The following GGCT variants were observed in gnomAD, a reference collection of about 807,000 sequenced individuals.
GGCT encodes the protein cytochrome c-releasing factor 21.
A neutral mutation model predicts 22.1 loss-of-function variants in GGCT; 20 were observed. That is an observed-to-expected ratio of 0.91 (90% CI 0.64 to 1.32). GGCT has a LOEUF of 1.32. Among genes scored for constraint, GGCT ranks in the 40% most tolerant of loss-of-function variants. The pLI is 0.00. For missense variants in GGCT, 209 were observed against 223.5 expected, an observed-to-expected ratio of 0.94 and a Z score of 0.41; for synonymous variants, 72 against 78.4, an observed-to-expected ratio of 0.92 and a Z score of 0.43.
chr7:30,496,964 G>A lies in GGCT; in HGVS notation c.*128C>T, dbSNP rs1789551393. On this transcript the variant is annotated 3_prime_UTR_variant, in exon 4 of 4. Coordinates refer to ENST00000275428, the MANE Select transcript of GGCT (RefSeq NM_024051.4). ...AGTCTAAAAACAAGGAATCACCCAA[G>A]TAAGATACTCCTTCAGAGCACTGCT... 1 of 552,934 alleles carries A rather than the reference G, an allele frequency of 1.8e-6. No homozygotes were observed. The highest frequency in any genetic ancestry group is 2.0e-5 in the African/African-American group (1 of 51,078). 34.3% of individuals were successfully genotyped at this position (552,934 alleles called of 1,614,324 possible). A position where few individuals can be genotyped will look rare whatever the true frequency, so the allele number is the denominator to read the frequency against.
At chr7:30,497,769 C>T (rs1789587909) in intron 3 of GGCT, 2 of 1,446,882 alleles carry the variant, frequency 1.4e-6, no homozygotes, top group Non-Finnish European at 9.2e-7. Flanking sequence ...CCTGATTGGG[C>T]CTGCCAACAG....
chr7:30,504,446 C>A, intron 1 of GGCT, 123 bp downstream of exon 1: 1 of 1,153,982 alleles, frequency 8.7e-7, no homozygotes. Flanking sequence ...AGGCGGAAGC[C>A]GCGTCCTAGT....
chr7:30,504,397 C>A (rs536468945), intron 1 of GGCT, among the ~76,000 whole-genome samples, 172 bp downstream of exon 1: 1 of 152,354 alleles, frequency 6.6e-6, no homozygotes, highest in East Asian at 1.9e-4. Flanking sequence ...CGGGCAGGGC[C>A]GGGCAGTGGG....
intron 3 of GGCT, chr7:30,497,791 T>G (rs540053508): frequency 1.4e-6 from 2 of 1,464,424 alleles, no homozygotes. Flanking sequence ...GAGCTAAGCT[T>G]AGGTTCTGAA....
chr7:30,499,824 C>T (rs1190837274), intron 2 of GGCT, among the ~76,000 whole-genome samples: 1 of 140,932 alleles, frequency 7.1e-6, no homozygotes, highest in East Asian at 2.1e-4. Flanking sequence ...TTTAAAGAGG[C>T]TTCAATATAG....
At chr7:30,501,369 G>A (rs868359075) in intron 1 of GGCT, among the ~76,000 whole-genome samples, 10 of 152,128 alleles carry the variant, frequency 6.6e-5, no homozygotes, top group African/African-American at 1.9e-4. Flanking sequence ...AGGCCGTGGC[G>A]GGTGGATCAT....
At chr7:30,497,652 G>A (rs1789583565) in intron 3 of GGCT, 1 of 678,868 alleles carries the variant, frequency 1.5e-6, no homozygotes, top group Non-Finnish European at 2.2e-6. Context: ...TGGCAACTGT[G>A]TTTAGCGGTA....
chr7:30,504,242 C>T (rs532880667), intron 1 of GGCT, among the ~76,000 whole-genome samples: 9 of 152,356 alleles, frequency 5.9e-5, no homozygotes, highest in Admixed American at 5.2e-4. Context: ...TTCCCAGACA[C>T]GGGTCAGAGA....
chr7:30,497,850 G>T, intron 3 of GGCT: 1 of 1,447,926 alleles, frequency 6.9e-7, no homozygotes, highest in Non-Finnish European at 9.2e-7. Context: ...TGCTTGCAAG[G>T]GTGATTTCCC....
chr7:30,497,705 TA>T (rs745392114), intron 3 of GGCT: 10 of 1,261,054 alleles, frequency 7.9e-6, no homozygotes, highest in Admixed American at 3.4e-5. Flanking sequence ...GGTTTCATAC[TA>T]AAAAATTCCA....
Position 30,497,107 on chromosome 7 carries a change from T to A in GGCT, c.552A>T (p.Glu184Asp). ...EEIEDIIKKG[E>D]TQTL ...CTGTTATGTTCTAAAGAGTTTGTGT[T>A]TCCCCCTTTTTGATGATGTCTTCAA... Residue 184 changes from glutamate (E) to aspartate (D), a missense_variant, in exon 4 of 4, where the codon GAA becomes GAT. Physicochemically the swap from Glu to Asp is conservative, Grantham distance 45. Transcript: ENST00000275428. 6.3e-7 allele frequency: 1 copy of A among 1,597,756 alleles called. No individual in the cohort carries two copies. Among genetic ancestry groups the A allele is most frequent in the Non-Finnish European group, 8.6e-7 (1 of 1,167,326 alleles).
Position 30,504,706 on chromosome 7 carries a change from C to G in GGCT, c.4G>C (p.Ala2Pro). The G allele has an allele frequency of 6.2e-7, 1 of 1,613,998 alleles. No homozygotes were observed. Among genetic ancestry groups the G allele is most frequent in the Non-Finnish European group, 8.5e-7 (1 of 1,179,860 alleles). ...GTGACGTCCTTGCAGCCCGAGTTGG[C>G]CATATCCCACTACGCCCCTGCACTG... M[A>P]NSGCKDVTGP... Residue 2 changes from alanine to proline, a missense_variant, in exon 1 of 4, where the codon GCC becomes CCC. Physicochemically the swap from Ala to Pro is conservative, Grantham distance 27. Coordinates refer to ENST00000275428, the MANE Select transcript of GGCT (RefSeq NM_024051.4).
intron 1 of GGCT, among the ~76,000 whole-genome samples, chr7:30,501,650 C>G (rs182725537): frequency 4.9e-4 from 75 of 152,180 alleles, no homozygotes; most frequent in Non-Finnish European, 7.9e-4. Context: ...AAAAACAAAA[C>G]AAATAAAATA....
chr7:30,496,817 A>G lies in GGCT; in HGVS notation c.*275T>C, dbSNP rs192979631. ...TTACCAGAGCAAGGAGACACTTAAG[A>G]TCAATTCAAGAGAATAGCTTTCAGT... On this transcript the variant is annotated 3_prime_UTR_variant, in exon 4 of 4. Transcript: ENST00000275428. The G allele has an allele frequency of 1.2e-3, 268 of 225,318 alleles. No homozygotes were observed. The highest frequency in any genetic ancestry group is 5.2e-3 in the African/African-American group (232 of 44,220). The allele number at this position is 225,318 out of a possible 1,614,324, so 14.0% of individuals were successfully genotyped here.
Position 30,498,882 on chromosome 7 carries a change from T to G in GGCT, c.344A>C (p.Gln115Pro). 2 of 1,613,386 alleles carry G rather than the reference T, an allele frequency of 1.2e-6. No individual in the cohort carries two copies. Among genetic ancestry groups the G allele is most frequent in the Non-Finnish European group, 1.7e-6 (2 of 1,179,284 alleles). ...YVVIEVKVAT[Q>P]EGKEITCRSY... is the part of the protein sequence containing the mutation. Reference sequence around the variant, plus strand: ...TCGACAGGTTATTTCTTTTCCTTCTTGAGTTGCAACTTTAACTTCTATTAC... The same window carrying G: ...TCGACAGGTTATTTCTTTTCCTTCTGGAGTTGCAACTTTAACTTCTATTAC... Residue 115 changes from glutamine (Q) to proline (P), a missense_variant, in exon 3 of 4, where the codon CAA becomes CCA. Transcript: ENST00000275428.
rs752460854 is a variant in GGCT at position 30,504,562 on chromosome 7, C to T, written c.141+7G>A. The T allele has an allele frequency of 6.2e-6, 10 of 1,613,188 alleles. No homozygotes were observed. The highest frequency in any genetic ancestry group is 1.1e-5 in the South Asian group (1 of 91,084). ...CCGGCGTGGGTAGCGCGGGAGGGGG[C>T]ACTCACCTGCAGGCGGGCCACACAG... On this transcript the variant is annotated splice_region_variant and intron_variant, in intron 1 of 3. Transcript: ENST00000275428.
At chr7:30,501,547 T>A (rs1016674404) in intron 1 of GGCT, among the ~76,000 whole-genome samples, 1 of 152,220 alleles carries the variant, frequency 6.6e-6, no homozygotes, top group African/African-American at 2.4e-5. Flanking sequence ...GTTTCTAGTT[T>A]AACTTCTTTC....
intron 1 of GGCT, 25 bp from the exon 2 acceptor site, chr7:30,500,706 G>C (rs746887289): frequency 3.7e-6 from 6 of 1,602,030 alleles, no homozygotes; most frequent in Non-Finnish European, 5.1e-6. Context: ...AAAGTGATAT[G>C]ATCAATATCC....
At chr7:30,502,850 C>T (rs961576438) in intron 1 of GGCT, among the ~76,000 whole-genome samples, 1 of 152,126 alleles carries the variant, frequency 6.6e-6, no homozygotes, top group Admixed American at 6.6e-5. Flanking sequence ...ATTCACTCTT[C>T]CCTCCTTCAA....
Sources: gnomAD v4.1 joint callset for allele counts (sites outside exome capture counted in the v4.1 genomes callset) on GRCh38, gnomAD v4.1.1 for gene constraint, MANE v1.5 for transcripts, NCBI Gene and HGNC (gene_info 2026-07-23, HGNC 2026-07-21) for gene names.